WASF3: variants seen among roughly 807,000 people sequenced by gnomAD.
WASF3 encodes the protein WASP family member 3, also known as actin-binding protein WASF3.
A neutral mutation model predicts 46.6 loss-of-function variants in WASF3; 11 were observed. That is an observed-to-expected ratio of 0.24 (90% CI 0.15 to 0.39). The LOEUF (loss-of-function observed/expected upper bound fraction) is 0.39. WASF3 is among the 10% of genes least tolerant of loss of function. WASF3 has a pLI of 1.00. For synonymous variants in WASF3, 242 were observed against 259.7 expected (o/e 0.93, Z 0.65); for missense variants, 576 against 669.8 (o/e 0.86, Z 1.55).
upstream of WASF3, among the ~76,000 whole-genome samples, chr13:26,554,116 T>C (rs1170883299): frequency 2.0e-4 from 27 of 136,472 alleles, 1 homozygote; most frequent in African/African-American, 7.4e-4. Context: ...TCTTTCTTTC[T>C]TTCTTTCTTT....
chr13:26,635,430 A>G (rs1208716378), intron 2 of WASF3, among the ~76,000 whole-genome samples: 1 of 152,202 alleles, frequency 6.6e-6, no homozygotes, highest in Non-Finnish European at 1.5e-5. Context: ...AATGGGTTAG[A>G]ACATGCTCCT....
chr13:26,669,037 GA>G (rs1197758231), intron 5 of WASF3, among the ~76,000 whole-genome samples: 2 of 151,196 alleles, frequency 1.3e-5, no homozygotes, highest in East Asian at 1.9e-4. Context: ...CTGTTCTAAG[GA>G]AAAAAAATCA....
chr13:26,565,850 G>A (rs74871984), intron 1 of WASF3, among the ~76,000 whole-genome samples: 108 of 152,222 alleles, frequency 7.1e-4, no homozygotes, highest in African/African-American at 2.5e-3. Flanking sequence ...TCTTTATAGC[G>A]TCTCTGCTGT....
chr13:26,685,526 T>G (rs955255400), intron 9 of WASF3, among the ~76,000 whole-genome samples, 162 bp from the exon 10 acceptor site: 2 of 152,258 alleles, frequency 1.3e-5, no homozygotes, highest in South Asian at 2.1e-4. Context: ...TTTTTTCTCA[T>G]GAAACTTTTA....
Position 26,604,601 on chromosome 13 carries a change from AAAG to A in WASF3, c.-108-8356_-108-8354del, listed in dbSNP as rs760758731. On this transcript the variant is annotated intron_variant, in intron 1 of 9. Transcript: ENST00000335327. The stretch of plus-strand genomic sequence containing the variant: ...AGAGTAAGTTACTGAACTATAAAAA[AAAG>A]AAGGAGTCCATTTAGTAGCAAAATT... Among the ~76,000 whole-genome samples, 153 of 152,348 alleles carry A rather than the reference AAAG, an allele frequency of 1.0e-3. 2 individuals carry two copies. Among genetic ancestry groups the A allele is most frequent in the South Asian group, 4.1e-4 (2 of 4,824 alleles).
chr13:26,549,503 G>A, the WASF3 span, among the ~76,000 whole-genome samples: 1 of 152,000 alleles, frequency 6.6e-6, no homozygotes, highest in Non-Finnish European at 1.5e-5. Context: ...ACCTAACATG[G>A]GGATCACAAC....
At chr13:26,576,569 T>C (rs1305263802) in intron 1 of WASF3, among the ~76,000 whole-genome samples, 1 of 152,186 alleles carries the variant, frequency 6.6e-6, no homozygotes, top group Admixed American at 6.5e-5. Flanking sequence ...TGAGATATAG[T>C]TTGGAGTGTG....
At chr13:26,618,997 T>G (rs1247601046) in intron 2 of WASF3, 2 of 152,298 alleles carry the variant, frequency 1.3e-5, no homozygotes, top group African/African-American at 4.8e-5. Context: ...TATCTATCAT[T>G]TGTAGTCCTG....
chr13:26,649,307 A>T (rs1882242277), intron 3 of WASF3, among the ~76,000 whole-genome samples: 1 of 152,246 alleles, frequency 6.6e-6, no homozygotes, highest in Non-Finnish European at 1.5e-5. Context: ...GTGACCTGTG[A>T]TCAAGAGAAA....
the WASF3 span, among the ~76,000 whole-genome samples, chr13:26,548,988 T>TC: frequency 7.9e-6 from 1 of 126,104 alleles, no homozygotes; most frequent in African/African-American, 2.8e-5. Context: ...TTTCTTTCTT[T>TC]GTTTTTTTTT....
At chr13:26,670,724 T>C (rs1002293700) in intron 5 of WASF3, among the ~76,000 whole-genome samples, 1 of 152,188 alleles carries the variant, frequency 6.6e-6, no homozygotes, top group Non-Finnish European at 1.5e-5. Context: ...ATCTCTATCA[T>C]GCAGGTTGCC....
chr13:26,577,144 AT>A (rs1448599918), intron 1 of WASF3: 2 of 769,968 alleles, frequency 2.6e-6, no homozygotes, highest in African/African-American at 3.4e-5. Flanking sequence ...ATTCAAGCTG[AT>A]TACTGAAGAT....
At chr13:26,629,105 G>A (rs1881571071) in intron 2 of WASF3, among the ~76,000 whole-genome samples, 1 of 152,248 alleles carries the variant, frequency 6.6e-6, no homozygotes, top group South Asian at 2.1e-4. Flanking sequence ...TCACTGTAAA[G>A]TGGGTCCCCT....
intron 3 of WASF3, among the ~76,000 whole-genome samples, chr13:26,647,016 T>A (rs1882170669): frequency 6.6e-6 from 1 of 152,128 alleles, no homozygotes; most frequent in African/African-American, 2.4e-5. Flanking sequence ...AATCTGTAGG[T>A]TTTTAGCTCT....
At chr13:26,632,392 AT>A (rs1365172218) in intron 2 of WASF3, among the ~76,000 whole-genome samples, 1 of 152,126 alleles carries the variant, frequency 6.6e-6, no homozygotes, top group African/African-American at 2.4e-5. Flanking sequence ...GGACTGTTGA[AT>A]TTTGTCAAAG....
chr13:26,673,455 T>C (rs549782432), intron 6 of WASF3, among the ~76,000 whole-genome samples: 6 of 152,226 alleles, frequency 3.9e-5, no homozygotes, highest in Admixed American at 1.3e-4. Context: ...ACCACCCTCA[T>C]GGAGAGGACA....
intron 5 of WASF3, among the ~76,000 whole-genome samples, chr13:26,671,403 G>A (rs1355287742): frequency 6.6e-6 from 1 of 152,092 alleles, no homozygotes; most frequent in Non-Finnish European, 1.5e-5. Flanking sequence ...ACTTATAGAT[G>A]TTGGGCAAAC....
At chr13:26,626,750 A>G (rs1464402075) in intron 2 of WASF3, among the ~76,000 whole-genome samples, 4 of 152,200 alleles carry the variant, frequency 2.6e-5, no homozygotes, top group Non-Finnish European at 5.9e-5. Context: ...TGGAACAAAG[A>G]TTATTATTAG....
chr13:26,613,034 G>T lies in WASF3; in HGVS notation c.-35G>T, dbSNP rs1881025402. On this transcript the variant is annotated 5_prime_UTR_variant, in exon 2 of 10. Transcript: ENST00000335327. ...GTGATGCTACTTGAGGGGAATTTCT[G>T]CAACCCATAGTCAACGATTACATGG... The T allele has an allele frequency of 6.6e-6, 1 of 151,950 alleles. No individual in the cohort carries two copies. The allele number at this position is 151,950 out of a possible 1,614,324, so 9.4% of individuals were successfully genotyped here. A position where few individuals can be genotyped will look rare whatever the true frequency, so the allele number is the denominator to read the frequency against.
Sources: gnomAD v4.1 joint callset for allele counts (sites outside exome capture counted in the v4.1 genomes callset) on GRCh38, gnomAD v4.1.1 for gene constraint, MANE v1.5 for transcripts, NCBI Gene and HGNC (gene_info 2026-07-23, HGNC 2026-07-21) for gene names.